Variants in JPH3 observed in about 807,000 individuals in gnomAD.
JPH3 encodes the protein junctophilin 3.
In JPH3, 11 loss-of-function variants were observed where a neutral mutation model predicts 59.6. That is an observed-to-expected ratio of 0.18 (90% CI 0.12 to 0.31). JPH3 has a LOEUF of 0.31. JPH3 is among the 10% of genes least tolerant of loss of function. The pLI, the probability that JPH3 is intolerant of heterozygous loss-of-function variation, is 1.00. For missense variants in JPH3, 1,202 were observed against 1,105.7 expected, an observed-to-expected ratio of 1.09 and a Z score of -1.24; for synonymous variants, 673 against 483.6, an observed-to-expected ratio of 1.39 and a Z score of -5.14.
At chr16:87,684,120 C>G (rs1042340165) in intron 2 of JPH3, 22 bp from the exon 3 acceptor site, 41 of 1,606,850 alleles carry the variant, frequency 2.6e-5, no homozygotes, top group Non-Finnish European at 3.4e-5. Context: ...CCCCCCCTCA[C>G]GCTCCTCCCT....
intron 2 of JPH3, among the ~76,000 whole-genome samples, chr16:87,683,224 C>T (rs962866565): frequency 6.6e-6 from 1 of 152,200 alleles, no homozygotes; most frequent in Non-Finnish European, 1.5e-5. Flanking sequence ...CACAGCGGGC[C>T]GGCACCGCCG....
At position 87,664,190 on chromosome 16, in the gene JPH3, G is replaced by A. The variant is rs538063490; in HGVS notation, c.1160+19155G>A. Among the ~76,000 whole-genome samples, 13 of 152,268 alleles carry A rather than the reference G, an allele frequency of 8.5e-5. No homozygotes were observed. In the South Asian group the frequency reaches 2.5e-3, roughly 29 times the overall value. On this transcript the variant is annotated intron_variant, in intron 2 of 4. Transcript: ENST00000284262. ...ACTAAAAATATAAAAAATTAGCTGG[G>A]CGTGGTGGAAGGCGCCTGTAGTCCC...
At chr16:87,662,136 TC>T (rs1203460321) in intron 2 of JPH3, among the ~76,000 whole-genome samples, 1 of 152,202 alleles carries the variant, frequency 6.6e-6, no homozygotes, top group Non-Finnish European at 1.5e-5. Context: ...TCCGTAGGCC[TC>T]CCCTGCCTGC....
chr16:87,613,321 G>A (rs532356106), intron 1 of JPH3, among the ~76,000 whole-genome samples: 7 of 151,356 alleles, frequency 4.6e-5, no homozygotes, highest in Admixed American at 1.3e-4. Flanking sequence ...GGATGGTCTC[G>A]ATCTCCTGAC....
At chr16:87,648,275 C>A (rs901469691) in intron 2 of JPH3, among the ~76,000 whole-genome samples, 1 of 152,144 alleles carries the variant, frequency 6.6e-6, no homozygotes, top group Non-Finnish European at 1.5e-5. Flanking sequence ...GGAAGAGAGT[C>A]TGCCGCCCTG....
chr16:87,615,583 A>G (rs187307003), intron 1 of JPH3, among the ~76,000 whole-genome samples: 1 of 152,260 alleles, frequency 6.6e-6, no homozygotes, highest in East Asian at 1.9e-4. Context: ...CAGAGATGCA[A>G]CAGAAGTGGG....
chr16:87,668,181 G>A (rs1344026924), intron 2 of JPH3, among the ~76,000 whole-genome samples: 1 of 152,186 alleles, frequency 6.6e-6, no homozygotes, highest in Non-Finnish European at 1.5e-5. Flanking sequence ...CAGCCGCTCC[G>A]GGTCCTCTGG....
chr16:87,698,109 T>C lies in JPH3; in HGVS notation c.*1449T>C, dbSNP rs2033977071. 6.6e-6 allele frequency: 1 copy of C among 152,636 alleles called. No homozygotes were observed. The highest frequency in any genetic ancestry group is 1.5e-5 in the Non-Finnish European group (1 of 68,052). 9.5% of individuals were successfully genotyped at this position (152,636 alleles called of 1,614,324 possible). The stretch of plus-strand genomic sequence containing the variant: ...TTTACTACACTGCACTGGATTGCTA[T>C]ATTTTTAACCAGAAATAAACTAAAG... On this transcript the variant is annotated 3_prime_UTR_variant, in exon 5 of 5. Transcript: ENST00000284262.
chr16:87,665,412 C>T (rs547283812), intron 2 of JPH3, among the ~76,000 whole-genome samples: 56 of 152,336 alleles, frequency 3.7e-4, no homozygotes, highest in African/African-American at 1.3e-3. Flanking sequence ...ACCTGCTGAC[C>T]CCGGACCCCG....
At chr16:87,695,691 C>T (rs566613993) in intron 4 of JPH3, 40 of 453,472 alleles carry the variant, frequency 8.8e-5, no homozygotes, top group South Asian at 4.2e-4. Context: ...CCACCCCTGC[C>T]GTCCTGGGAG....
intron 1 of JPH3, among the ~76,000 whole-genome samples, chr16:87,607,124 G>T (rs377210205): frequency 1.1e-4 from 17 of 152,170 alleles, no homozygotes; most frequent in Admixed American, 7.9e-4. Flanking sequence ...TGCGTACAGT[G>T]GCCCAGAATT....
At chr16:87,636,187 C>G (rs552640616) in intron 1 of JPH3, among the ~76,000 whole-genome samples, 13 of 152,334 alleles carry the variant, frequency 8.5e-5, no homozygotes, top group Middle Eastern at 3.4e-3. Flanking sequence ...GTTTGCCCCC[C>G]ACAGCCTTGG....
rs1402619719 is a variant in JPH3, at chr16:87,644,448, G to T, written c.573G>T (p.Val191=). The change falls in exon 2 of 5, where the codon GTG becomes GTT. Residue 191 remains valine (V), a synonymous_variant. Coordinates refer to ENST00000284262, the MANE Select transcript of JPH3 (RefSeq NM_020655.4). ...CGGCGGTGGCCGGCAGCCCGGCCGT[G>T]TCCCGCGGGGGCTTCGTGCTCGTGG... ...ASPAVAGSPA[V]SRGGFVLVAH... The T allele has an allele frequency of 1.2e-6, 2 of 1,612,370 alleles. No individual in the cohort carries two copies. Among genetic ancestry groups the T allele is most frequent in the African/African-American group, 1.3e-5 (1 of 74,936 alleles).
intron 4 of JPH3, chr16:87,695,038 G>C (rs1474392742): frequency 6.0e-6 from 2 of 333,774 alleles, no homozygotes; most frequent in Non-Finnish European, 1.2e-5. Flanking sequence ...TTTGAGTGGA[G>C]GCTTGACTTT....
At chr16:87,659,149 G>T (rs879807530) in intron 2 of JPH3, among the ~76,000 whole-genome samples, 2 of 151,962 alleles carry the variant, frequency 1.3e-5, no homozygotes, top group African/African-American at 4.8e-5. Flanking sequence ...CAAAGCAGGC[G>T]GATCACTTGA....
chr16:87,655,992 G>C (rs1346528132), intron 2 of JPH3, among the ~76,000 whole-genome samples: 2 of 152,200 alleles, frequency 1.3e-5, no homozygotes, highest in Non-Finnish European at 2.9e-5. Context: ...GCTGGGAGTG[G>C]GGCACTGCTG....
intron 2 of JPH3, among the ~76,000 whole-genome samples, chr16:87,649,933 C>G (rs752439684): frequency 1.4e-4 from 22 of 152,218 alleles, no homozygotes; most frequent in Non-Finnish European, 2.6e-4. Flanking sequence ...GCTGGGACCC[C>G]CTCTCTGCTG....
At chr16:87,653,396 C>A (rs561787959) in intron 2 of JPH3, among the ~76,000 whole-genome samples, 74 of 152,236 alleles carry the variant, frequency 4.9e-4, no homozygotes, top group Middle Eastern at 3.4e-3. Context: ...GGGATCCCTG[C>A]TGGCCATGCC....
chr16:87,607,265 A>G (rs2030555691), intron 1 of JPH3, among the ~76,000 whole-genome samples: 1 of 152,178 alleles, frequency 6.6e-6, no homozygotes, highest in Non-Finnish European at 1.5e-5. Context: ...CTGTGTACAC[A>G]GAACCCCTCG....
Sources: gnomAD v4.1 joint callset for allele counts (sites outside exome capture counted in the v4.1 genomes callset) on GRCh38, gnomAD v4.1.1 for gene constraint, MANE v1.5 for transcripts, NCBI Gene and HGNC (gene_info 2026-07-23, HGNC 2026-07-21) for gene names.